Variants in REDIC1 observed in about 807,000 individuals in gnomAD.
REDIC1 encodes regulator of DNA class I crossover intermediates 1.
the REDIC1 span, among the ~76,000 whole-genome samples, chr12:39,745,643 A>AT: frequency 3.9e-5 from 6 of 152,214 alleles, no homozygotes; most frequent in Non-Finnish European, 5.9e-5. Context: ...ATATTTAATG[A>AT]TTTTTTATTA....
the REDIC1 span, among the ~76,000 whole-genome samples, chr12:39,667,467 G>A: frequency 6.6e-6 from 1 of 152,202 alleles, no homozygotes; most frequent in Non-Finnish European, 1.5e-5. Flanking sequence ...TACATTTGCT[G>A]AGGAGTGCTT....
the REDIC1 span, among the ~76,000 whole-genome samples, chr12:39,865,722 T>C: frequency 3.3e-5 from 5 of 152,208 alleles, no homozygotes; most frequent in Non-Finnish European, 7.4e-5. Flanking sequence ...TCATGTCCTT[T>C]GCAGCAACAT....
chr12:39,637,518 G>A, the REDIC1 span, among the ~76,000 whole-genome samples: 1 of 152,052 alleles, frequency 6.6e-6, no homozygotes, highest in Non-Finnish European at 1.5e-5. Flanking sequence ...GTCGAAGAAT[G>A]TAAAACAACG....
the REDIC1 span, among the ~76,000 whole-genome samples, chr12:39,807,985 G>C: frequency 1.8e-4 from 28 of 152,222 alleles, no homozygotes; most frequent in Admixed American, 5.2e-4. Context: ...ATCTATTCAT[G>C]TATAATATAC....
At chr12:39,702,034 A>G in the REDIC1 span, among the ~76,000 whole-genome samples, 11 of 152,150 alleles carry the variant, frequency 7.2e-5, no homozygotes, top group African/African-American at 2.7e-4. Context: ...AAAGAACTAG[A>G]AAAGCAAGAG....
At chr12:39,788,032 A>G in the REDIC1 span, among the ~76,000 whole-genome samples, 3 of 152,320 alleles carry the variant, frequency 2.0e-5, no homozygotes, top group South Asian at 4.1e-4. Context: ...GGACAATTAC[A>G]TAATAATACA....
chr12:39,642,242 A>G, the REDIC1 span, among the ~76,000 whole-genome samples: 310 of 151,844 alleles, frequency 2.0e-3, 8 homozygotes, highest in East Asian at 0.052. Context: ...GGCTATTATG[A>G]TGGCTGGATA....
At chr12:39,840,552 T>G in the REDIC1 span, among the ~76,000 whole-genome samples, 1 of 152,018 alleles carries the variant, frequency 6.6e-6, no homozygotes, top group Admixed American at 6.6e-5. Flanking sequence ...ATTTAGAATA[T>G]GACATGCTCT....
At chr12:39,794,516 C>G in the REDIC1 span, among the ~76,000 whole-genome samples, 1 of 152,256 alleles carries the variant, frequency 6.6e-6, no homozygotes, top group Non-Finnish European at 1.5e-5. Context: ...AACAAGTAGC[C>G]AAGTCTCAGC....
the REDIC1 span, among the ~76,000 whole-genome samples, chr12:39,885,575 G>T: frequency 6.6e-6 from 1 of 152,076 alleles, no homozygotes; most frequent in African/African-American, 2.4e-5. Context: ...TCTCTGAAAA[G>T]ATAAATATTA....
the REDIC1 span, among the ~76,000 whole-genome samples, chr12:39,699,112 A>C: frequency 6.6e-6 from 1 of 152,232 alleles, no homozygotes; most frequent in Non-Finnish European, 1.5e-5. Flanking sequence ...AAAAAAGAAG[A>C]TGTAAATAAA....
chr12:39,797,608 C>T, the REDIC1 span, among the ~76,000 whole-genome samples: 2 of 152,036 alleles, frequency 1.3e-5, no homozygotes, highest in South Asian at 2.1e-4. Flanking sequence ...TCATTGGTAA[C>T]TTTTATTCTG....
At chr12:39,830,378 G>C in the REDIC1 span, 1 of 1,408,322 alleles carries the variant, frequency 7.1e-7, no homozygotes, top group Non-Finnish European at 9.2e-7. Flanking sequence ...AGTGACATGC[G>C]CTGAGCCAGG....
At chr12:39,712,394 G>T in the REDIC1 span, among the ~76,000 whole-genome samples, 5 of 120,348 alleles carry the variant, frequency 4.2e-5, no homozygotes, top group Non-Finnish European at 8.6e-5. Context: ...ATATATACCT[G>T]TATGTATATA....
the REDIC1 span, among the ~76,000 whole-genome samples, chr12:39,705,741 G>A: frequency 1.3e-5 from 2 of 151,984 alleles, no homozygotes; most frequent in South Asian, 2.1e-4. Context: ...TGCTGAAAAA[G>A]CATTTGATAA....
the REDIC1 span, among the ~76,000 whole-genome samples, chr12:39,718,403 C>T: frequency 6.6e-6 from 1 of 152,096 alleles, no homozygotes; most frequent in Admixed American, 6.6e-5. Flanking sequence ...ACTGGCAAAG[C>T]ACTTACTGAC....
At chr12:39,785,203 G>A in the REDIC1 span, among the ~76,000 whole-genome samples, 1 of 152,144 alleles carries the variant, frequency 6.6e-6, no homozygotes. Context: ...AGGCCCAGGA[G>A]GAATAAGTGG....
chr12:39,806,460 C>T, the REDIC1 span, among the ~76,000 whole-genome samples: 1 of 152,100 alleles, frequency 6.6e-6, no homozygotes, highest in Non-Finnish European at 1.5e-5. Flanking sequence ...TATATATTTT[C>T]CCTGGGATCC....
the REDIC1 span, among the ~76,000 whole-genome samples, chr12:39,712,429 TATAC>T: frequency 8.6e-6 from 1 of 116,800 alleles, no homozygotes; most frequent in East Asian, 2.4e-4. Context: ...CATACGTATA[TATAC>T]ATACGTATAT....
Sources: gnomAD v4.1 joint callset for allele counts (sites outside exome capture counted in the v4.1 genomes callset) on GRCh38, gnomAD v4.1.1 for gene constraint, MANE v1.5 for transcripts, NCBI Gene and HGNC (gene_info 2026-07-23, HGNC 2026-07-21) for gene names.